The following DPP10 variants were observed in gnomAD, a reference collection of about 807,000 sequenced individuals.
DPP10 encodes dipeptidyl peptidase like 10.
DPP10 carries 33 observed loss-of-function variants against 120.9 expected under a neutral mutation model. The observed-to-expected ratio is 0.27, with a 90% CI of 0.21 to 0.37. The LOEUF (loss-of-function observed/expected upper bound fraction) is 0.37, where lower values mean the gene tolerates loss of function less well. Ranked by LOEUF, DPP10 falls within the 10% of genes least tolerant of loss-of-function variation. DPP10 has a pLI of 1.00. For synonymous variants in DPP10, 337 were observed against 326.1 expected, an observed-to-expected ratio of 1.03 and a Z score of -0.36; for missense variants, 816 against 942.8, an observed-to-expected ratio of 0.87 and a Z score of 1.76.
intron 1 of DPP10, among the ~76,000 whole-genome samples, chr2:114,932,585 CA>C (rs1444974155): frequency 2.6e-5 from 4 of 152,088 alleles, no homozygotes; most frequent in Non-Finnish European, 4.4e-5. Context: ...TATTTATATA[CA>C]GTTCCCAGAT....
At chr2:114,638,697 A>G (rs1283791967) in intron 1 of DPP10, among the ~76,000 whole-genome samples, 1 of 151,900 alleles carries the variant, frequency 6.6e-6, no homozygotes, top group African/African-American at 2.4e-5. Flanking sequence ...TAGTTCAGCC[A>G]CTGTGAACTA....
intron 1 of DPP10, among the ~76,000 whole-genome samples, chr2:115,296,806 C>G (rs1010920751): frequency 6.6e-6 from 1 of 152,014 alleles, no homozygotes; most frequent in African/African-American, 2.4e-5. Context: ...TCCTTCCTTA[C>G]CTACTTTCCT....
At chr2:115,781,572 GATTAA>G (rs1228878355) in intron 16 of DPP10, among the ~76,000 whole-genome samples, 1 of 151,880 alleles carries the variant, frequency 6.6e-6, no homozygotes, top group Non-Finnish European at 1.5e-5. Context: ...ATTTTCCAGA[GATTAA>G]ATAGAACTCA....
intron 1 of DPP10, among the ~76,000 whole-genome samples, chr2:115,290,325 G>A (rs908387716): frequency 1.3e-5 from 2 of 152,100 alleles, no homozygotes; most frequent in African/African-American, 4.8e-5. Flanking sequence ...CAATGTTCAA[G>A]TTACCTTGAA....
chr2:115,000,522 C>T (rs1481499801), intron 1 of DPP10, among the ~76,000 whole-genome samples: 1 of 151,976 alleles, frequency 6.6e-6, no homozygotes, highest in East Asian at 2.0e-4. Flanking sequence ...GCATCTTTTA[C>T]ATTGGTTCCT....
At chr2:115,656,157 C>CAA (rs2088313022) in intron 5 of DPP10, among the ~76,000 whole-genome samples, 1 of 151,180 alleles carries the variant, frequency 6.6e-6, no homozygotes, top group African/African-American at 2.4e-5. Flanking sequence ...CACACACACA[C>CAA]ACACACACAC....
At position 114,608,640 on chromosome 2, in the gene DPP10, C is replaced by T. The variant is rs553024987; in HGVS notation, c.60+165802C>T. 4.7e-4 allele frequency among the ~76,000 whole-genome samples: 71 copies of T among 151,806 alleles called. No individual in the cohort carries two copies. The South Asian group carries it at 0.012, about 27-fold the overall frequency. ...AGCACCATTCATAATGGCAAAGACA[C>T]GGAATCAATGATGCACCGGGTAAAG... On this transcript the variant is annotated intron_variant, in intron 1 of 25. Transcript: ENST00000410059.
At chr2:114,539,080 C>T (rs1686744994) in intron 1 of DPP10, among the ~76,000 whole-genome samples, 1 of 151,540 alleles carries the variant, frequency 6.6e-6, no homozygotes, top group Non-Finnish European at 1.5e-5. Context: ...CCTTTAATTG[C>T]CACATAGCAG....
chr2:115,767,718 G>C (rs955063872), intron 12 of DPP10, among the ~76,000 whole-genome samples: 2 of 151,966 alleles, frequency 1.3e-5, no homozygotes, highest in Non-Finnish European at 2.9e-5. Flanking sequence ...TGTGTTTGTG[G>C]AGAGATGAGC....
At chr2:114,648,042 G>A (rs1696271017) in intron 1 of DPP10, among the ~76,000 whole-genome samples, 1 of 152,146 alleles carries the variant, frequency 6.6e-6, no homozygotes, top group Non-Finnish European at 1.5e-5. Flanking sequence ...TCCAGGGCAA[G>A]GTTAGACAGG....
intron 1 of DPP10, among the ~76,000 whole-genome samples, chr2:114,952,495 C>G (rs1558915525): frequency 6.6e-6 from 1 of 152,182 alleles, no homozygotes; most frequent in Non-Finnish European, 1.5e-5. Flanking sequence ...AGAGCCACCA[C>G]TCGTCATTTA....
chr2:114,933,412 C>T (rs548384590), intron 1 of DPP10, among the ~76,000 whole-genome samples: 6 of 152,200 alleles, frequency 3.9e-5, no homozygotes, highest in Admixed American at 1.3e-4. Flanking sequence ...AGTTCATAAA[C>T]GGGGTAAAAA....
At chr2:115,768,218 C>A in intron 12 of DPP10, 79 bp from the exon 13 acceptor site, 3 of 1,183,366 alleles carry the variant, frequency 2.5e-6, no homozygotes, top group Non-Finnish European at 3.7e-6. Context: ...TGGTATAACC[C>A]ATGCAGGAAT....
At chr2:114,840,926 C>T (rs1053172281) in intron 1 of DPP10, among the ~76,000 whole-genome samples, 1 of 152,122 alleles carries the variant, frequency 6.6e-6, no homozygotes, top group Non-Finnish European at 1.5e-5. Context: ...CACACAATAT[C>T]ATCCTTACAT....
intron 1 of DPP10, among the ~76,000 whole-genome samples, chr2:114,460,953 G>A (rs1678877696): frequency 6.6e-6 from 1 of 152,186 alleles, no homozygotes; most frequent in Non-Finnish European, 1.5e-5. Context: ...TGAGTTTAAT[G>A]CAGATGATTT....
chr2:115,081,295 T>G (rs1376086173), intron 1 of DPP10, among the ~76,000 whole-genome samples: 2 of 152,188 alleles, frequency 1.3e-5, no homozygotes, highest in African/African-American at 4.8e-5. Flanking sequence ...GTTAGTAATC[T>G]CTCTCATGTA....
chr2:115,369,197 C>T (rs902895657), intron 3 of DPP10, among the ~76,000 whole-genome samples: 1 of 151,924 alleles, frequency 6.6e-6, no homozygotes, highest in African/African-American at 2.4e-5. Flanking sequence ...TCATCTATAG[C>T]CATGTTAGGC....
intron 5 of DPP10, among the ~76,000 whole-genome samples, chr2:115,603,192 T>C (rs1050310554): frequency 3.3e-5 from 5 of 151,420 alleles, no homozygotes; most frequent in African/African-American, 1.2e-4. Flanking sequence ...AAGTTGAATG[T>C]GTTCTTTGGA....
intron 1 of DPP10, among the ~76,000 whole-genome samples, chr2:115,095,211 A>C (rs951732647): frequency 1.3e-5 from 2 of 152,198 alleles, no homozygotes; most frequent in Non-Finnish European, 2.9e-5. Flanking sequence ...TCTGGGAGCC[A>C]AGTGGAAAAT....
Sources: allele counts gnomAD v4.1 joint callset (sites outside exome capture counted in the v4.1 genomes callset), GRCh38; gene constraint gnomAD v4.1.1; transcripts MANE v1.5; gene names NCBI Gene and HGNC (gene_info 2026-07-23, HGNC 2026-07-21).